MAPKAP1: variants seen among roughly 807,000 people sequenced by gnomAD.
The protein encoded by MAPKAP1 is target of rapamycin complex 2 subunit MAPKAP1.
MAPKAP1 carries 20 observed loss-of-function variants against 65.7 expected under a neutral mutation model. That is an observed-to-expected ratio of 0.30 (90% CI 0.21 to 0.44). The LOEUF (loss-of-function observed/expected upper bound fraction) is 0.44. Among genes scored for constraint, MAPKAP1 ranks in the 20% least tolerant of loss-of-function variants. MAPKAP1 has a pLI of 1.00. For missense variants in MAPKAP1, 423 were observed against 648.0 expected, an observed-to-expected ratio of 0.65 and a Z score of 3.77; for synonymous variants, 222 against 244.3, an observed-to-expected ratio of 0.91 and a Z score of 0.85.
intron 9 of MAPKAP1, among the ~76,000 whole-genome samples, chr9:125,482,347 C>A (rs1854351591): frequency 1.3e-5 from 2 of 152,104 alleles, no homozygotes; most frequent in Non-Finnish European, 2.9e-5. Context: ...TTACTTCTTA[C>A]ATAAGATTAT....
intron 4 of MAPKAP1, among the ~76,000 whole-genome samples, chr9:125,589,120 A>C (rs1367865954): frequency 6.6e-6 from 1 of 152,134 alleles, no homozygotes; most frequent in Non-Finnish European, 1.5e-5. Context: ...ATGTAAAATG[A>C]GGAGAATGGT....
At chr9:125,526,741 ACTTTAATCAAAGTAG>A (rs1829779400) in intron 7 of MAPKAP1, among the ~76,000 whole-genome samples, 1 of 151,722 alleles carries the variant, frequency 6.6e-6, no homozygotes, top group African/African-American at 2.4e-5. Context: ...TTAAAAATTA[ACTTTAATCAAAGTAG>A]CATATATATA....
intron 4 of MAPKAP1, among the ~76,000 whole-genome samples, chr9:125,614,298 T>C (rs181213303): frequency 9.2e-5 from 14 of 152,184 alleles, no homozygotes; most frequent in African/African-American, 2.6e-4. Context: ...AAATACTAGG[T>C]TGGTTTAACA....
intron 4 of MAPKAP1, among the ~76,000 whole-genome samples, chr9:125,603,702 C>T (rs751602237): frequency 1.3e-5 from 2 of 152,200 alleles, no homozygotes; most frequent in Non-Finnish European, 2.9e-5. Flanking sequence ...ATAGATATGG[C>T]TAATTTGTCT....
chr9:125,581,557 T>C (rs1831627048), intron 5 of MAPKAP1, among the ~76,000 whole-genome samples: 1 of 152,238 alleles, frequency 6.6e-6, no homozygotes, highest in Admixed American at 6.5e-5. Flanking sequence ...ACTGTTGGGT[T>C]CTCAGTTCTT....
intron 3 of MAPKAP1, among the ~76,000 whole-genome samples, chr9:125,660,954 A>T (rs899580497): frequency 1.8e-4 from 28 of 152,238 alleles, no homozygotes; most frequent in African/African-American, 6.3e-4. Flanking sequence ...CTGTATGGGA[A>T]AAAAGTAAAA....
chr9:125,679,886 C>T (rs1230237929), intron 1 of MAPKAP1, among the ~76,000 whole-genome samples: 1 of 152,200 alleles, frequency 6.6e-6, no homozygotes, highest in Non-Finnish European at 1.5e-5. Flanking sequence ...TAGGCAACAG[C>T]CCGAGGCTTC....
intron 7 of MAPKAP1, among the ~76,000 whole-genome samples, chr9:125,518,053 C>G (rs903332056): frequency 1.2e-4 from 19 of 152,162 alleles, no homozygotes; most frequent in African/African-American, 4.6e-4. Flanking sequence ...AATAGAATGC[C>G]TTCCACAAGG....
intron 4 of MAPKAP1, 56 bp downstream of exon 4, chr9:125,657,595 A>G: frequency 6.9e-7 from 1 of 1,453,806 alleles, no homozygotes. Flanking sequence ...AATACCAACA[A>G]CAACTCCACT....
At chr9:125,459,275 C>T (rs1236157954) in intron 10 of MAPKAP1, among the ~76,000 whole-genome samples, 7 of 150,814 alleles carry the variant, frequency 4.6e-5, no homozygotes, top group Admixed American at 1.3e-4. Flanking sequence ...GGAAGAGGCG[C>T]TCCTCACTTC....
chr9:125,439,068 G>A lies in MAPKAP1; in HGVS notation c.1444-56C>T. The A allele has an allele frequency of 1.3e-6, 2 of 1,595,252 alleles. No homozygotes were observed. The highest frequency in any genetic ancestry group is 3.4e-5 in the Admixed American group (2 of 59,004). The stretch of plus-strand genomic sequence containing the variant: ...TTGCCAGCCGCTCCCTACCCACCCA[G>A]GGCATCGGAGGGGGTGGCAGGGAAG... On this transcript the variant is annotated intron_variant, in intron 11 of 11. Coordinates refer to ENST00000265960, the MANE Select transcript of MAPKAP1 (RefSeq NM_001006617.3). This position sits in a 1 kb window ranked among gnomAD's most constrained non-coding sequence, Gnocchi z 4.0.
In MAPKAP1 at chr9:125,644,255, C is replaced by T. The variant is rs76991113; in HGVS notation, c.498+13396G>A. 6.6e-5 allele frequency among the ~76,000 whole-genome samples: 10 copies of T among 152,196 alleles called. No individual in the cohort carries two copies. The East Asian group carries it at 1.5e-3, about 23-fold the overall frequency. ...TACCAGGATGGTCCAAGACAACCTA[C>T]GTTAGCCCATTTAAGTTATTTTCAT... On this transcript the variant is annotated intron_variant, in intron 4 of 11. Transcript: ENST00000265960.
At chr9:125,664,907 T>A (rs1318430640) in intron 3 of MAPKAP1, among the ~76,000 whole-genome samples, 1 of 152,024 alleles carries the variant, frequency 6.6e-6, no homozygotes, top group Non-Finnish European at 1.5e-5. Context: ...GCTTCACCAC[T>A]TACTACTTAC....
chr9:125,507,626 T>C (rs1418391790), intron 7 of MAPKAP1, among the ~76,000 whole-genome samples: 1 of 152,240 alleles, frequency 6.6e-6, no homozygotes, highest in African/African-American at 2.4e-5. Flanking sequence ...ATCTTTTCTC[T>C]AACTGGTATT....
intron 1 of MAPKAP1, among the ~76,000 whole-genome samples, chr9:125,684,787 T>A (rs957476002): frequency 6.6e-5 from 10 of 152,176 alleles, no homozygotes; most frequent in African/African-American, 9.7e-5. Flanking sequence ...GCTCAGGCGA[T>A]CCTCCCAACT....
At chr9:125,557,870 A>ATT (rs2133206843) in intron 6 of MAPKAP1, among the ~76,000 whole-genome samples, 1 of 152,206 alleles carries the variant, frequency 6.6e-6, no homozygotes, top group South Asian at 2.1e-4. Context: ...ATAATTTATT[A>ATT]TTTTTAGATG....
chr9:125,527,612 ACT>A (rs948995948), intron 7 of MAPKAP1, among the ~76,000 whole-genome samples: 6 of 151,952 alleles, frequency 3.9e-5, no homozygotes, highest in East Asian at 3.9e-4. Context: ...TAGGCTGTGC[ACT>A]CTCTCTCTCT....
chr9:125,547,908 A>G (rs1375534994), intron 6 of MAPKAP1, among the ~76,000 whole-genome samples: 1 of 152,226 alleles, frequency 6.6e-6, no homozygotes, highest in African/African-American at 2.4e-5. Context: ...CATGATGATA[A>G]TGGAAATTAA....
At chr9:125,551,574 C>CAT (rs969817055) in intron 6 of MAPKAP1, among the ~76,000 whole-genome samples, 87 of 151,770 alleles carry the variant, frequency 5.7e-4, no homozygotes, top group African/African-American at 1.9e-3. Flanking sequence ...AAGGAAAATA[C>CAT]ATATATATAT....
Sources: allele counts gnomAD v4.1 joint callset (sites outside exome capture counted in the v4.1 genomes callset), GRCh38; gene constraint gnomAD v4.1.1; non-coding constraint Gnocchi (gnomAD v3.1); transcripts MANE v1.5; gene names NCBI Gene and HGNC (gene_info 2026-07-23, HGNC 2026-07-21).